SERP2: variants seen among roughly 807,000 people sequenced by gnomAD.
The protein encoded by SERP2 is stress associated endoplasmic reticulum protein family member 2, also known as stress-associated endoplasmic reticulum protein 2.
A neutral mutation model predicts 9.1 loss-of-function variants in SERP2; 6 were observed. The observed-to-expected ratio is 0.66, with a 90% CI of 0.36 to 1.30. The LOEUF (loss-of-function observed/expected upper bound fraction) is 1.30, where lower values mean the gene tolerates loss of function less well. Among genes scored for constraint, SERP2 ranks in the 50% most tolerant of loss-of-function variants. The probability of loss-of-function intolerance (pLI) is 0.03; values close to 1 mark genes in which losing one functional copy is unlikely to be tolerated. For synonymous variants in SERP2, 37 were observed against 27.3 expected, an observed-to-expected ratio of 1.35 and a Z score of -1.10; for missense variants, 58 against 81.9, an observed-to-expected ratio of 0.71 and a Z score of 1.13.
At chr13:44,389,532 G>T (rs1446070227) in intron 2 of SERP2, among the ~76,000 whole-genome samples, 1 of 152,172 alleles carries the variant, frequency 6.6e-6, no homozygotes, top group Non-Finnish European at 1.5e-5. Context: ...ACCTCCCTGG[G>T]AAGGTCCTTA....
At chr13:44,383,488 T>A (rs1324984622) in intron 2 of SERP2, among the ~76,000 whole-genome samples, 4 of 151,764 alleles carry the variant, frequency 2.6e-5, no homozygotes, top group African/African-American at 9.7e-5. Flanking sequence ...ACTCTCCTGG[T>A]CTCCAGCAGT....
chr13:44,390,764 C>T (rs1252029902), intron 2 of SERP2: 1 of 162,996 alleles, frequency 6.1e-6, no homozygotes, highest in Non-Finnish European at 1.3e-5. Flanking sequence ...CCCTCTTCTC[C>T]ATCTCTAGAG....
intron 1 of SERP2, among the ~76,000 whole-genome samples, chr13:44,374,672 C>T (rs1385035254): frequency 6.6e-6 from 1 of 152,218 alleles, no homozygotes; most frequent in African/African-American, 2.4e-5. Flanking sequence ...ATCAAGTTTT[C>T]TTTCCAGCCC....
chr13:44,391,018 A>G (rs1412728178), intron 2 of SERP2: 1 of 152,156 alleles, frequency 6.6e-6, no homozygotes, highest in African/African-American at 2.4e-5. Context: ...GCCTCTCTTA[A>G]TCTCTCTTCT....
At chr13:44,393,350 A>T (rs1872893255) in intron 2 of SERP2, among the ~76,000 whole-genome samples, 2 of 152,194 alleles carry the variant, frequency 1.3e-5, no homozygotes, top group Admixed American at 1.3e-4. Flanking sequence ...TGCTCCTAGC[A>T]TGTTAAAGCC....
intron 1 of SERP2, among the ~76,000 whole-genome samples, chr13:44,378,818 T>G (rs932117881): frequency 6.6e-6 from 1 of 152,172 alleles, no homozygotes; most frequent in African/African-American, 2.4e-5. Flanking sequence ...GGGAAGATCT[T>G]ATTATGTCTG....
At chr13:44,385,633 T>C (rs999999210) in intron 2 of SERP2, among the ~76,000 whole-genome samples, 1 of 152,222 alleles carries the variant, frequency 6.6e-6, no homozygotes, top group African/African-American at 2.4e-5. Context: ...GCACTCAGAA[T>C]AGGAGGCCTC....
intron 2 of SERP2, among the ~76,000 whole-genome samples, chr13:44,382,035 G>GATGA (rs1872010269): frequency 6.8e-6 from 1 of 146,612 alleles, no homozygotes; most frequent in Admixed American, 6.9e-5. Context: ...TGGATGGATG[G>GATGA]ATAAAGCCAG....
chr13:44,377,539 C>G (rs1192300132), intron 1 of SERP2, among the ~76,000 whole-genome samples: 4 of 152,238 alleles, frequency 2.6e-5, no homozygotes, highest in Non-Finnish European at 5.9e-5. Flanking sequence ...TAAGACTGAT[C>G]TTGTCCTCGT....
intron 2 of SERP2, among the ~76,000 whole-genome samples, chr13:44,384,090 G>C (rs899870530): frequency 1.3e-5 from 2 of 151,542 alleles, no homozygotes; most frequent in Non-Finnish European, 1.5e-5. Context: ...GCAAGCCTCA[G>C]CTCAAGTCGG....
chr13:44,385,519 G>C (rs940977795), intron 2 of SERP2, among the ~76,000 whole-genome samples: 1 of 152,170 alleles, frequency 6.6e-6, no homozygotes, highest in Non-Finnish European at 1.5e-5. Context: ...AGGGAGTTTG[G>C]GGAGGTTATC....
intron 2 of SERP2, chr13:44,390,240 C>G (rs1437093902): frequency 3.2e-6 from 1 of 313,924 alleles, no homozygotes; most frequent in Non-Finnish European, 6.5e-6. Context: ...GTCTTGCTCC[C>G]AGATGGAGAA....
rs768382789 is a variant in SERP2 at position 44,397,096 on chromosome 13, C to G, written c.158-176C>G. On this transcript the variant is annotated intron_variant, in intron 2 of 2. Transcript: ENST00000379179. ...CCATCAGCCGACTGAGCGAGGCTGCCTTTTTAAAGAAGTTCACTGACCTCT... is the reference window on the plus strand; with the variant it reads ...CCATCAGCCGACTGAGCGAGGCTGCGTTTTTAAAGAAGTTCACTGACCTCT... Among the ~76,000 whole-genome samples the G allele has an allele frequency of 5.1e-4, 78 of 152,140 alleles. 1 individual carries two copies. Among genetic ancestry groups the G allele is most frequent in the Admixed American group, 2.0e-4 (3 of 15,280 alleles).
chr13:44,376,586 C>G (rs1039424483), intron 1 of SERP2, among the ~76,000 whole-genome samples: 14 of 151,990 alleles, frequency 9.2e-5, no homozygotes, highest in African/African-American at 3.4e-4. Flanking sequence ...ACCAGCCTGG[C>G]CAACATGGCA....
At chr13:44,379,577 G>A (rs1291313853) in intron 1 of SERP2, 64 bp from the exon 2 acceptor site, 11 of 1,252,072 alleles carry the variant, frequency 8.8e-6, no homozygotes, top group Non-Finnish European at 1.3e-5. Flanking sequence ...AATGCCTAGT[G>A]ATACTCAAAT....
chr13:44,390,630 C>G (rs998188006), intron 2 of SERP2: 18 of 233,534 alleles, frequency 7.7e-5, no homozygotes, highest in Non-Finnish European at 1.3e-4. Flanking sequence ...TGTGTAGAGG[C>G]TCTCTCTCAG....
chr13:44,381,631 T>C (rs191280202), intron 2 of SERP2, among the ~76,000 whole-genome samples: 35 of 152,310 alleles, frequency 2.3e-4, no homozygotes, highest in Admixed American at 2.0e-3. Context: ...CTGCCCTTGA[T>C]TTTGCTCACC....
intron 2 of SERP2, among the ~76,000 whole-genome samples, chr13:44,381,070 G>A (rs1871939635): frequency 6.6e-6 from 1 of 151,992 alleles, no homozygotes; most frequent in Non-Finnish European, 1.5e-5. Context: ...TTCTGGATCT[G>A]CTCAATGACT....
At chr13:44,375,005 A>C (rs1450642640) in intron 1 of SERP2, among the ~76,000 whole-genome samples, 1 of 152,138 alleles carries the variant, frequency 6.6e-6, no homozygotes. Context: ...GCAGATTATC[A>C]TCAACAGAAA....
Sources: gnomAD v4.1 joint callset for allele counts (sites outside exome capture counted in the v4.1 genomes callset) on GRCh38, gnomAD v4.1.1 for gene constraint, MANE v1.5 for transcripts, NCBI Gene and HGNC (gene_info 2026-07-23, HGNC 2026-07-21) for gene names.